HOXC5: variants seen among roughly 807,000 people sequenced by gnomAD.
HOXC5 encodes homeobox protein Hox-C5.
Under a neutral mutation model 20.1 loss-of-function variants are expected in HOXC5, and 19 were observed. That is an observed-to-expected ratio of 0.94 (90% CI 0.66 to 1.38). The LOEUF is 1.38. Among genes scored for constraint, HOXC5 ranks in the 40% most tolerant of loss-of-function variants. The probability of loss-of-function intolerance (pLI) is 0.00; values close to 1 mark genes in which losing one functional copy is unlikely to be tolerated. For missense variants in HOXC5, 330 were observed against 300.1 expected, an observed-to-expected ratio of 1.10 and a Z score of -0.74; for synonymous variants, 124 against 117.0, an observed-to-expected ratio of 1.06 and a Z score of -0.39.
At position 54,034,541 on chromosome 12, in the gene HOXC5, C is replaced by T. The variant is rs1189435686; in HGVS notation, c.*49C>T. On this transcript the variant is annotated 3_prime_UTR_variant, in exon 2 of 2. Coordinates refer to ENST00000312492, the MANE Select transcript of HOXC5 (RefSeq NM_018953.4). Reference sequence around the variant, plus strand: ...GCGCGCCCCTAGCCGGTTCCTGTCCCTGCGCCTTTCCTTTTCGCCTTTCCT... The same window carrying T: ...GCGCGCCCCTAGCCGGTTCCTGTCCTTGCGCCTTTCCTTTTCGCCTTTCCT... 2 of 1,481,002 alleles carry T rather than the reference C, an allele frequency of 1.4e-6. No homozygotes were observed. Among genetic ancestry groups the T allele is most frequent in the East Asian group, 4.5e-5 (2 of 44,132 alleles). 91.7% of individuals were successfully genotyped at this position (1,481,002 alleles called of 1,614,324 possible). A position where few individuals can be genotyped will look rare whatever the true frequency, so the allele number is the denominator to read the frequency against.
In HOXC5 at chr12:54,034,582, CG is replaced by C. The variant is rs1483709220; in HGVS notation, c.*95del. The C allele has an allele frequency of 1.2e-5, 13 of 1,126,754 alleles. No individual in the cohort carries two copies. The highest frequency in any genetic ancestry group is 1.6e-5 in the African/African-American group (1 of 64,118). 69.8% of individuals were successfully genotyped at this position (1,126,754 alleles called of 1,614,324 possible). On this transcript the variant is annotated 3_prime_UTR_variant, in exon 2 of 2. Coordinates refer to ENST00000312492, the MANE Select transcript of HOXC5 (RefSeq NM_018953.4). ...CGCCTTTCCTCTCTATATTTCGGGT[CG>C]GGGGCAGGTGCTGGAGCACTGGGCT...
chr12:54,032,999 A>G, upstream of HOXC5: 2 of 738,548 alleles, frequency 2.7e-6, no homozygotes, highest in Admixed American at 2.8e-5. Flanking sequence ...GCATAGGATA[A>G]AGAAAGAGAT....
the HOXC5 span, among the ~76,000 whole-genome samples, chr12:54,024,173 G>A: frequency 3.3e-5 from 5 of 152,150 alleles, no homozygotes; most frequent in African/African-American, 4.8e-5. Flanking sequence ...TTTAGCCCTC[G>A]CCCAGTGGCA....
At chr12:54,031,478 C>T (rs1255353579), upstream of HOXC5, among the ~76,000 whole-genome samples, 2 of 152,202 alleles carry the variant, frequency 1.3e-5, no homozygotes, top group African/African-American at 2.4e-5. Context: ...CAGCTCCAGC[C>T]GGGCTGGTTC....
At position 54,034,270 on chromosome 12, in the gene HOXC5, T is replaced by C. The variant is rs1941117186; in HGVS notation, c.455-8T>C. 1 of 1,612,346 alleles carries C rather than the reference T, an allele frequency of 6.2e-7. No homozygotes were observed. The highest frequency in any genetic ancestry group is 8.5e-7 in the Non-Finnish European group (1 of 1,179,468). ...CCTTCCTGGCTTGGGGTGGGGTTTATGTTCCAGAGACGGACGGCAAGCGGT... is the reference window on the plus strand; with the variant it reads ...CCTTCCTGGCTTGGGGTGGGGTTTACGTTCCAGAGACGGACGGCAAGCGGT... On this transcript the variant is annotated splice_region_variant and splice_polypyrimidine_tract_variant and intron_variant, in intron 1 of 1. Coordinates refer to ENST00000312492, the MANE Select transcript of HOXC5 (RefSeq NM_018953.4).
At chr12:54,021,124 G>C in the HOXC5 span, 23 of 152,606 alleles carry the variant, frequency 1.5e-4, no homozygotes, top group African/African-American at 5.5e-4. Context: ...GGTGCTTGGA[G>C]AAGCTTGTGG....
chr12:54,023,322 A>G, the HOXC5 span, among the ~76,000 whole-genome samples: 1 of 152,230 alleles, frequency 6.6e-6, no homozygotes, highest in African/African-American at 2.4e-5. Context: ...TGAGAAGCCA[A>G]ACAAATGCCA....
At chr12:54,030,229 T>C (rs768523141), upstream of HOXC5, 2 of 336,572 alleles carry the variant, frequency 5.9e-6, no homozygotes, top group East Asian at 4.8e-5. Context: ...CGTCCAGGCC[T>C]TGGGGGCTCG....
chr12:54,018,109 C>G, the HOXC5 span, among the ~76,000 whole-genome samples: 1 of 147,214 alleles, frequency 6.8e-6, no homozygotes, highest in Non-Finnish European at 1.5e-5. Flanking sequence ...CCCACTCGGG[C>G]GGATGGAAGG....
chr12:54,023,768 C>T, the HOXC5 span, among the ~76,000 whole-genome samples: 7 of 152,100 alleles, frequency 4.6e-5, no homozygotes, highest in Non-Finnish European at 1.0e-4. Context: ...AGGAGTGTAC[C>T]TTTTTGGAAT....
At position 54,034,428 on chromosome 12, in the gene HOXC5, G is replaced by C; in HGVS notation, c.605G>C (p.Trp202Ser). ...CTCAATGAGAGACAGATCAAGATCT[G>C]GTTCCAGAACCGCAGGATGAAGTGG... ...LCLNERQIKI[W>S]FQNRRMKWKK... Residue 202 changes from tryptophan to serine, a missense_variant, in exon 2 of 2, where the codon TGG becomes TCG. Transcript: ENST00000312492. 1.2e-6 allele frequency: 2 copies of C among 1,614,264 alleles called. No homozygotes were observed. The highest frequency in any genetic ancestry group is 1.7e-6 in the Non-Finnish European group (2 of 1,180,040).
chr12:54,027,585 C>T, the HOXC5 span, among the ~76,000 whole-genome samples: 1 of 152,218 alleles, frequency 6.6e-6, no homozygotes, highest in Non-Finnish European at 1.5e-5. Context: ...CTCTGTCTTT[C>T]CCCCTCCGGT....
At chr12:54,017,343 G>A in the HOXC5 span, 1 of 152,228 alleles carries the variant, frequency 6.6e-6, no homozygotes, top group Non-Finnish European at 1.5e-5. Context: ...GGCACAGAAT[G>A]AGGGAAGACG....
the HOXC5 span, among the ~76,000 whole-genome samples, chr12:54,018,287 C>T: frequency 6.6e-6 from 1 of 152,236 alleles, no homozygotes; most frequent in African/African-American, 2.4e-5. Context: ...GGGATGCCCA[C>T]TGGACCGGGA....
chr12:54,034,119 G>C, intron 1 of HOXC5, 159 bp from the exon 2 acceptor site: 5 of 747,956 alleles, frequency 6.7e-6, no homozygotes, highest in Non-Finnish European at 1.2e-5. Flanking sequence ...CTCTCCCGGG[G>C]CTGGGCTGGG....
chr12:54,020,701 G>T, the HOXC5 span: 2 of 152,170 alleles, frequency 1.3e-5, no homozygotes, highest in African/African-American at 2.4e-5. Flanking sequence ...AGATGAGAGT[G>T]GGCTCATGGA....
chr12:54,019,107 C>T, the HOXC5 span, among the ~76,000 whole-genome samples: 1 of 137,528 alleles, frequency 7.3e-6, no homozygotes, highest in Admixed American at 7.6e-5. Context: ...ATTCCCCTTT[C>T]GCAGCCATCA....
At chr12:54,028,388 A>AG (rs1265741179), upstream of HOXC5, 1 of 951,690 alleles carries the variant, frequency 1.1e-6, no homozygotes, top group East Asian at 2.6e-5. Context: ...ATTGGCTGGG[A>AG]GGGGGTCAGC....
the HOXC5 span, among the ~76,000 whole-genome samples, chr12:54,026,129 G>C: frequency 6.6e-6 from 1 of 152,066 alleles, no homozygotes; most frequent in Non-Finnish European, 1.5e-5. Flanking sequence ...ATTGGAGGGG[G>C]GGACAGAGTT....
Sources: gnomAD v4.1 joint callset for allele counts (sites outside exome capture counted in the v4.1 genomes callset) on GRCh38, gnomAD v4.1.1 for gene constraint, MANE v1.5 for transcripts, NCBI Gene and HGNC (gene_info 2026-07-23, HGNC 2026-07-21) for gene names.